FUT8: variants seen among roughly 807,000 people sequenced by gnomAD.
FUT8 encodes alpha-(1,6)-fucosyltransferase.
In FUT8, 29 loss-of-function variants were observed where a neutral mutation model predicts 71.3. The observed-to-expected ratio is 0.41, with a 90% CI of 0.30 to 0.55. The LOEUF (loss-of-function observed/expected upper bound fraction) is 0.55, where lower values mean the gene tolerates loss of function less well. Ranked by LOEUF, FUT8 falls within the 20% of genes least tolerant of loss-of-function variation. The probability of loss-of-function intolerance (pLI) is 0.34; values close to 1 mark genes in which losing one functional copy is unlikely to be tolerated. For synonymous variants in FUT8, 254 were observed against 239.3 expected (o/e 1.06, Z -0.57); for missense variants, 544 against 702.1 (o/e 0.77, Z 2.55).
At chr14:65,450,080 A>T (rs922654491) in intron 1 of FUT8, among the ~76,000 whole-genome samples, 2 of 152,124 alleles carry the variant, frequency 1.3e-5, no homozygotes, top group African/African-American at 4.8e-5. Context: ...GTGCATATGT[A>T]TGCATGTGTG....
intron 6 of FUT8, among the ~76,000 whole-genome samples, chr14:65,668,971 T>A (rs1004092499): frequency 6.6e-6 from 1 of 152,084 alleles, no homozygotes; most frequent in Non-Finnish European, 1.5e-5. Context: ...AAGTGGGAGC[T>A]AAACATTGAG....
At chr14:65,487,592 T>G (rs1189412609) in intron 2 of FUT8, among the ~76,000 whole-genome samples, 1 of 151,452 alleles carries the variant, frequency 6.6e-6, no homozygotes, top group Non-Finnish European at 1.5e-5. Context: ...AAAACTCAGT[T>G]TTTAGTGTCT....
chr14:65,671,597 A>G (rs1892483139), intron 7 of FUT8, among the ~76,000 whole-genome samples: 1 of 152,220 alleles, frequency 6.6e-6, no homozygotes, highest in Non-Finnish European at 1.5e-5. Context: ...TACTAGCAGA[A>G]TAATCTACCA....
intron 7 of FUT8, among the ~76,000 whole-genome samples, chr14:65,691,968 C>T (rs1184523829): frequency 5.8e-4 from 88 of 152,220 alleles, no homozygotes; most frequent in African/African-American, 1.9e-3. Context: ...TTTCTTAGTA[C>T]AGAACAAAAT....
At chr14:65,729,088 C>T (rs1412224103) in intron 9 of FUT8, among the ~76,000 whole-genome samples, 1 of 124,826 alleles carries the variant, frequency 8.0e-6, no homozygotes, top group African/African-American at 3.2e-5. Context: ...TGCGTTGGTG[C>T]AAGCATGGCT....
At chr14:65,428,715 A>G (rs2065424866) in intron 1 of FUT8, among the ~76,000 whole-genome samples, 1 of 150,896 alleles carries the variant, frequency 6.6e-6, no homozygotes, top group Admixed American at 6.7e-5. Context: ...TGCTGAGTTA[A>G]TAAAGATTTT....
At chr14:65,372,577 G>A in the FUT8 span, among the ~76,000 whole-genome samples, 10 of 151,936 alleles carry the variant, frequency 6.6e-5, no homozygotes, top group East Asian at 7.7e-4. Context: ...CACCATGCCC[G>A]GCTAATTTTT....
chr14:65,644,283 T>A (rs1424382896), intron 6 of FUT8, among the ~76,000 whole-genome samples: 1 of 152,048 alleles, frequency 6.6e-6, no homozygotes, highest in Non-Finnish European at 1.5e-5. Context: ...TCATTATTCA[T>A]GTTATATATA....
chr14:65,532,262 C>T (rs1314965198), intron 2 of FUT8, among the ~76,000 whole-genome samples: 1 of 152,156 alleles, frequency 6.6e-6, no homozygotes, highest in Admixed American at 6.5e-5. Context: ...ATTCTCTTTC[C>T]TCTGCAACCT....
At chr14:65,677,873 A>G (rs548331991) in intron 7 of FUT8, among the ~76,000 whole-genome samples, 9 of 152,346 alleles carry the variant, frequency 5.9e-5, no homozygotes, top group African/African-American at 2.2e-4. Flanking sequence ...GTGGGCCACC[A>G]GAGAATAGAA....
intron 1 of FUT8, among the ~76,000 whole-genome samples, chr14:65,423,800 T>C (rs912809496): frequency 3.9e-5 from 6 of 152,264 alleles, no homozygotes; most frequent in Admixed American, 6.5e-5. Flanking sequence ...GATGCCTTTC[T>C]TTATAGCAAT....
chr14:65,640,404 C>T (rs1032863296), intron 6 of FUT8, among the ~76,000 whole-genome samples: 12 of 151,896 alleles, frequency 7.9e-5, no homozygotes, highest in Non-Finnish European at 1.5e-4. Flanking sequence ...TTCTCTTAAG[C>T]GTTTAACATT....
At chr14:65,723,541 G>A (rs1347900287) in intron 8 of FUT8, among the ~76,000 whole-genome samples, 1 of 152,070 alleles carries the variant, frequency 6.6e-6, no homozygotes, top group Non-Finnish European at 1.5e-5. Context: ...ACAACAGAAG[G>A]GCTGGAATCG....
chr14:65,590,847 CTGGATAAAATTCTCCA>C (rs1887648028), intron 3 of FUT8, among the ~76,000 whole-genome samples: 1 of 152,138 alleles, frequency 6.6e-6, no homozygotes, highest in Non-Finnish European at 1.5e-5. Context: ...CTCCATCTCC[CTGGATAAAATTCTCCA>C]TGGGGAAAAT....
At chr14:65,486,737 C>A (rs2066414404) in intron 2 of FUT8, among the ~76,000 whole-genome samples, 1 of 152,176 alleles carries the variant, frequency 6.6e-6, no homozygotes, top group African/African-American at 2.4e-5. Context: ...AACTAAATTT[C>A]TGATTTTGCA....
chr14:65,357,093 T>C, the FUT8 span, among the ~76,000 whole-genome samples: 1 of 152,254 alleles, frequency 6.6e-6, no homozygotes. Flanking sequence ...ACTAGGTGTG[T>C]GACCTTGGGC....
chr14:65,740,226 A>G (rs1775407024), intron 10 of FUT8, among the ~76,000 whole-genome samples: 1 of 152,020 alleles, frequency 6.6e-6, no homozygotes, highest in Non-Finnish European at 1.5e-5. Flanking sequence ...CAAGGTTTCT[A>G]TTATTTTGGT....
upstream of FUT8, chr14:65,411,770 G>A (rs1222982336): frequency 3.0e-6 from 1 of 332,318 alleles, no homozygotes; most frequent in African/African-American, 2.2e-5. Flanking sequence ...AGTTTGGAAC[G>A]GGAAGCTCAT....
chr14:65,433,972 C>T (rs1000652346), intron 1 of FUT8, among the ~76,000 whole-genome samples: 10 of 152,120 alleles, frequency 6.6e-5, no homozygotes, highest in African/African-American at 2.4e-4. Context: ...CTATTTCTAC[C>T]TCTTTCAAAT....
Sources: allele counts gnomAD v4.1 joint callset (sites outside exome capture counted in the v4.1 genomes callset), GRCh38; gene constraint gnomAD v4.1.1; transcripts MANE v1.5; gene names NCBI Gene and HGNC (gene_info 2026-07-23, HGNC 2026-07-21).